ABCD3: variants seen among roughly 807,000 people sequenced by gnomAD.
ABCD3 encodes the protein ATP binding cassette subfamily D member 3.
A neutral mutation model predicts 105.5 loss-of-function variants in ABCD3; 41 were observed. That is an observed-to-expected ratio of 0.39 (90% CI 0.30 to 0.50). The LOEUF is 0.50. ABCD3 is among the 20% of genes least tolerant of loss of function. The probability of loss-of-function intolerance (pLI) is 0.84; values close to 1 mark genes in which losing one functional copy is unlikely to be tolerated. For missense variants in ABCD3, 622 were observed against 806.3 expected (o/e 0.77, Z 2.77); for synonymous variants, 258 against 269.0 (o/e 0.96, Z 0.40).
chr1:94,501,282 A>C (rs947114486), intron 20 of ABCD3, among the ~76,000 whole-genome samples: 3 of 151,856 alleles, frequency 2.0e-5, no homozygotes, highest in South Asian at 2.1e-4. Context: ...AAAAAAAAAA[A>C]AACACATGAT....
chr1:94,517,288 A>C lies in ABCD3; in HGVS notation c.*159A>C, dbSNP rs1650963632. 1.7e-6 allele frequency: 1 copy of C among 604,656 alleles called. No homozygotes were observed. Among genetic ancestry groups the C allele is most frequent in the African/African-American group, 1.9e-5 (1 of 53,214 alleles). 37.5% of individuals were successfully genotyped at this position (604,656 alleles called of 1,614,324 possible). ...CAGAATAATGGAGAACAAGTTGTTA[A>C]AACATTTAATATTATATAGGATATT... On this transcript the variant is annotated 3_prime_UTR_variant, in exon 23 of 23. Coordinates refer to ENST00000370214, the MANE Select transcript of ABCD3 (RefSeq NM_002858.4).
chr1:94,450,688 C>T (rs577343385), intron 1 of ABCD3, among the ~76,000 whole-genome samples: 1 of 152,250 alleles, frequency 6.6e-6, no homozygotes, highest in Non-Finnish European at 1.5e-5. Context: ...GGCTGTGAGA[C>T]CCCTGATTTC....
At chr1:94,392,665 A>G in the ABCD3 span, among the ~76,000 whole-genome samples, 6 of 152,256 alleles carry the variant, frequency 3.9e-5, no homozygotes, top group South Asian at 2.1e-4. Context: ...TGCGGGTTCA[A>G]TGGAAGAGGG....
At chr1:94,389,134 T>G in the ABCD3 span, among the ~76,000 whole-genome samples, 1 of 152,186 alleles carries the variant, frequency 6.6e-6, no homozygotes, top group Non-Finnish European at 1.5e-5. Flanking sequence ...TTATAGAATG[T>G]AGTAGGCCCA....
the ABCD3 span, among the ~76,000 whole-genome samples, chr1:94,410,901 A>G: frequency 6.6e-6 from 1 of 152,232 alleles, no homozygotes; most frequent in African/African-American, 2.4e-5. Flanking sequence ...GGTTCAACAA[A>G]TGATGCTGGG....
At chr1:94,456,558 C>T (rs1647580479) in intron 1 of ABCD3, among the ~76,000 whole-genome samples, 1 of 151,514 alleles carries the variant, frequency 6.6e-6, no homozygotes, top group Non-Finnish European at 1.5e-5. Context: ...GATTACAGGC[C>T]TGAGCTGCCA....
Position 94,487,878 on chromosome 1 carries a change from T to C in ABCD3, c.1066-14T>C, listed in dbSNP as rs1332712520. The C allele has an allele frequency of 6.2e-7, 1 of 1,609,868 alleles. No individual in the cohort carries two copies. Among genetic ancestry groups the C allele is most frequent in the East Asian group, 2.2e-5 (1 of 44,742 alleles). On this transcript the variant is annotated splice_polypyrimidine_tract_variant and intron_variant, in intron 12 of 22. Coordinates refer to ENST00000370214, the MANE Select transcript of ABCD3 (RefSeq NM_002858.4). ...AGAACTATAAGTAAAAACTAATATT[T>C]ATTTCTATTTAAGGATTACTACCAA...
chr1:94,440,001 T>C (rs1165343706), intron 1 of ABCD3, among the ~76,000 whole-genome samples: 2 of 152,202 alleles, frequency 1.3e-5, no homozygotes, highest in Non-Finnish European at 2.9e-5. Flanking sequence ...CCCAAGTAGC[T>C]GGGATTGCAG....
chr1:94,447,559 C>G (rs909645175), intron 1 of ABCD3, among the ~76,000 whole-genome samples: 3 of 152,102 alleles, frequency 2.0e-5, no homozygotes, highest in Non-Finnish European at 2.9e-5. Flanking sequence ...TTAAACAGTC[C>G]AATAATTTGC....
At chr1:94,398,649 C>T in the ABCD3 span, among the ~76,000 whole-genome samples, 1 of 152,190 alleles carries the variant, frequency 6.6e-6, no homozygotes, top group Non-Finnish European at 1.5e-5. Context: ...CACAGTGGCT[C>T]ACGCCTGTAA....
chr1:94,486,141 A>G lies in ABCD3; in HGVS notation c.898-1401A>G, dbSNP rs182760252. ...CAGGAGGCGGAGGTTGCATTGAGCC[A>G]AGATGGCACCACTGCACTCCAGCCT... On this transcript the variant is annotated intron_variant, in intron 10 of 22. Transcript: ENST00000370214. Among the ~76,000 whole-genome samples, 16 of 152,228 alleles carry G rather than the reference A, an allele frequency of 1.1e-4. No individual in the cohort carries two copies. The East Asian group carries it at 2.7e-3, about 26-fold the overall frequency.
chr1:94,475,352 C>T (rs1648686874), intron 6 of ABCD3, 112 bp downstream of exon 6: 3 of 836,658 alleles, frequency 3.6e-6, no homozygotes, highest in South Asian at 3.6e-5. Flanking sequence ...GAAAACCACT[C>T]TTAGGTACAG....
chr1:94,488,033 A>G (rs375709621), intron 13 of ABCD3, 50 bp downstream of exon 13: 207 of 1,365,298 alleles, frequency 1.5e-4, no homozygotes, highest in Middle Eastern at 7.2e-4. Flanking sequence ...TTAAAAATAT[A>G]TTATCCTTAA....
At chr1:94,415,658 G>A (rs987119729), upstream of ABCD3, among the ~76,000 whole-genome samples, 4 of 21,930 alleles carry the variant, frequency 1.8e-4, no homozygotes, top group Non-Finnish European at 6.7e-4. Flanking sequence ...TTCAGATAAG[G>A]GATTTTCAGA....
At chr1:94,417,183 G>A (rs554029359), upstream of ABCD3, among the ~76,000 whole-genome samples, 20 of 152,176 alleles carry the variant, frequency 1.3e-4, no homozygotes, top group Non-Finnish European at 2.5e-4. Flanking sequence ...GACAAATAGT[G>A]AATTAGTAGG....
At chr1:94,455,271 G>T (rs1227283121) in intron 1 of ABCD3, among the ~76,000 whole-genome samples, 2 of 151,664 alleles carry the variant, frequency 1.3e-5, no homozygotes, top group Non-Finnish European at 2.9e-5. Context: ...TATTTTCATA[G>T]AACTTCCTGA....
rs758822847 is a variant in ABCD3 at position 94,483,170 on chromosome 1, T to A, written c.828T>A (p.Ser276Arg). ...ATTGCTAAATTATTTTCTTTAATAG[T>A]GAAGAAATTGCCTTTTACAATGGGA... ...RYVNSRLITN[S>R]EEIAFYNGNK... Residue 276 changes from serine (S) to arginine (R), a missense_variant and splice_region_variant, in exon 10 of 23, where the codon AGT (serine) becomes AGA (arginine). By Grantham distance (110) the Ser-to-Arg change is moderately radical (BLOSUM62 -1). Coordinates refer to ENST00000370214, the MANE Select transcript of ABCD3 (RefSeq NM_002858.4). The A allele has an allele frequency of 6.3e-7, 1 of 1,597,702 alleles. No homozygotes were observed. Among genetic ancestry groups the A allele is most frequent in the Non-Finnish European group, 8.6e-7 (1 of 1,165,504 alleles).
rs760506791 is a variant in ABCD3 at position 94,517,153 on chromosome 1, C to T, written c.*24C>T. ...AGAGAAATCTGGAGAACTATACCTG[C>T]TTCAGTGAAATAATTACAGAATATA... On this transcript the variant is annotated 3_prime_UTR_variant, in exon 23 of 23. Transcript: ENST00000370214. 6.6e-7 allele frequency: 1 copy of T among 1,517,572 alleles called. No individual in the cohort carries two copies. The highest frequency in any genetic ancestry group is 9.1e-7 in the Non-Finnish European group (1 of 1,093,496). 94.0% of individuals were successfully genotyped at this position (1,517,572 alleles called of 1,614,324 possible).
chr1:94,459,225 C>G (rs377248320), intron 2 of ABCD3, among the ~76,000 whole-genome samples: 70 of 151,908 alleles, frequency 4.6e-4, no homozygotes, highest in South Asian at 1.7e-3. Flanking sequence ...TTCTCTAGTA[C>G]ACCCACATAT....
Sources: allele counts gnomAD v4.1 joint callset (sites outside exome capture counted in the v4.1 genomes callset), GRCh38; gene constraint gnomAD v4.1.1; transcripts MANE v1.5; gene names NCBI Gene and HGNC (gene_info 2026-07-23, HGNC 2026-07-21).